Variants in MLLT10 observed in about 807,000 individuals in gnomAD.
MLLT10 encodes the protein MLLT10 histone lysine methyltransferase DOT1L cofactor.
MLLT10 carries 30 observed loss-of-function variants against 129.1 expected under a neutral mutation model. That is an observed-to-expected ratio of 0.23 (90% CI 0.17 to 0.32). MLLT10 has a LOEUF of 0.32. Among genes scored for constraint, MLLT10 ranks in the 10% least tolerant of loss-of-function variants. The probability of loss-of-function intolerance (pLI) is 1.00; values close to 1 mark genes in which losing one functional copy is unlikely to be tolerated. For missense variants in MLLT10, 1,119 were observed against 1,268.3 expected (o/e 0.88, Z 1.79); for synonymous variants, 490 against 446.4 (o/e 1.10, Z -1.23).
intron 8 of MLLT10, chr10:21,624,517 A>G (rs1281873308): frequency 3.1e-5 from 29 of 942,096 alleles, no homozygotes; most frequent in Non-Finnish European, 4.4e-5. Flanking sequence ...CAGTTAAACA[A>G]AATTTTTTTT....
chr10:21,539,793 A>G (rs1021836406), intron 3 of MLLT10, among the ~76,000 whole-genome samples: 8 of 151,774 alleles, frequency 5.3e-5, no homozygotes, highest in African/African-American at 1.9e-4. Flanking sequence ...ACAAATTACA[A>G]ACATTAGCTG....
Position 21,538,877 on chromosome 10 carries a change from A to C in MLLT10, c.205A>C (p.Arg69=). 3.7e-6 allele frequency: 6 copies of C among 1,613,654 alleles called. No homozygotes were observed. Among genetic ancestry groups the C allele is most frequent in the Non-Finnish European group, 5.1e-6 (6 of 1,179,642 alleles). ...AGTACCCACTGGACCGTGGTTTTGCAGGAAATGTGAATCTCAGGAGAGAGC... is the reference window on the plus strand; with the variant it reads ...AGTACCCACTGGACCGTGGTTTTGCCGGAAATGTGAATCTCAGGAGAGAGC... ...VQVPTGPWFC[R]KCESQERAAR... Residue 69 remains arginine, a synonymous_variant, in exon 3 of 23, where the codon AGG becomes CGG. Transcript: ENST00000307729.
intron 3 of MLLT10, among the ~76,000 whole-genome samples, chr10:21,553,457 C>A (rs2037405164): frequency 6.6e-6 from 1 of 151,468 alleles, no homozygotes; most frequent in South Asian, 2.1e-4. Flanking sequence ...TCCCGAGTAG[C>A]TGAGACTACA....
chr10:21,727,922 C>T lies in MLLT10; in HGVS notation c.2057C>T (p.Ser686Leu), dbSNP rs530253372. The change falls in exon 16 of 23, where the codon TCG becomes TTG. Residue 686 changes from serine (S) to leucine (L), a missense_variant. Ser to Leu is a moderately radical substitution (Grantham distance 145). Around this residue, in one of 5 missense-constraint regions of MLLT10, gnomAD observed 1,004 missense variants for 1,008.7 expected, o/e 1.00. Transcript: ENST00000307729. ...GRGSSPRGSLSPRSPVSSLQI... is the reference protein window; with the variant it reads ...GRGSSPRGSLLPRSPVSSLQI... ...GGAAGCTCACCCCGAGGAAGTCTCT[C>T]GCCACGGTAAGCGCTATTTACACTG... The T allele has an allele frequency of 1.4e-5, 22 of 1,613,718 alleles. No individual in the cohort carries two copies. The highest frequency in any genetic ancestry group is 8.0e-5 in the African/African-American group (6 of 74,892).
intron 3 of MLLT10, among the ~76,000 whole-genome samples, chr10:21,572,616 CT>C (rs909173242): frequency 4.3e-4 from 63 of 146,086 alleles, no homozygotes; most frequent in Admixed American, 1.8e-3. Flanking sequence ...TTTAAAATTA[CT>C]TTTTTTTTTT....
intron 9 of MLLT10, among the ~76,000 whole-genome samples, chr10:21,655,662 G>A (rs1033298328): frequency 1.6e-4 from 25 of 152,132 alleles, no homozygotes; most frequent in Admixed American, 3.9e-4. Flanking sequence ...CTAATGTCTG[G>A]TAACTTGAGA....
intron 14 of MLLT10, among the ~76,000 whole-genome samples, chr10:21,718,601 G>A (rs534736493): frequency 6.6e-6 from 1 of 152,194 alleles, no homozygotes; most frequent in South Asian, 2.1e-4. Context: ...ATGGCTTCTT[G>A]TCTATCCCAT....
intron 5 of MLLT10, among the ~76,000 whole-genome samples, chr10:21,606,890 G>T (rs1476340007): frequency 6.6e-6 from 1 of 152,160 alleles, no homozygotes; most frequent in East Asian, 1.9e-4. Flanking sequence ...TTTACTGTAG[G>T]TAAAATGCTG....
intron 21 of MLLT10, 134 bp downstream of exon 21, chr10:21,735,369 G>A: frequency 2.8e-6 from 2 of 711,074 alleles, no homozygotes; most frequent in South Asian, 3.7e-5. Context: ...CTTGCCATGT[G>A]GTACAGGCTG....
At position 21,640,818 on chromosome 10, in the gene MLLT10, G is replaced by A. The variant is rs370205732; in HGVS notation, c.700-10855G>A. On this transcript the variant is annotated intron_variant, in intron 8 of 22. Transcript: ENST00000307729. ...GACACATGAATAATTCTCAAATTAT[G>A]ATTGACTTTACACAATGTTTTTGAT... Among the ~76,000 whole-genome samples the A allele has an allele frequency of 2.6e-5, 4 of 152,320 alleles. No homozygotes were observed. In the East Asian group the frequency reaches 7.7e-4, roughly 29 times the overall value.
chr10:21,641,521 T>A (rs1398073114), intron 8 of MLLT10, among the ~76,000 whole-genome samples: 1 of 152,156 alleles, frequency 6.6e-6, no homozygotes, highest in East Asian at 1.9e-4. Flanking sequence ...GCTGAATGTG[T>A]GGTGCGTGCC....
chr10:21,713,988 G>A, intron 14 of MLLT10, 38 bp downstream of exon 14: 1 of 1,533,638 alleles, frequency 6.5e-7, no homozygotes, highest in Non-Finnish European at 8.8e-7. Flanking sequence ...GTAATAGGTG[G>A]GTTTCTCATT....
At chr10:21,575,675 T>C (rs1175464967) in intron 3 of MLLT10, among the ~76,000 whole-genome samples, 1 of 152,140 alleles carries the variant, frequency 6.6e-6, no homozygotes, top group South Asian at 2.1e-4. Context: ...TTGCTTAGAT[T>C]ATTATTATTA....
At chr10:21,538,394 C>T (rs992004222) in intron 2 of MLLT10, among the ~76,000 whole-genome samples, 1 of 152,068 alleles carries the variant, frequency 6.6e-6, no homozygotes, top group African/African-American at 2.4e-5. Context: ...AACTCCCAAC[C>T]TCAGGTGATC....
chr10:21,632,136 A>G (rs899070040), intron 8 of MLLT10, among the ~76,000 whole-genome samples: 7 of 152,166 alleles, frequency 4.6e-5, no homozygotes, highest in African/African-American at 1.7e-4. Context: ...GTGAAAGTAG[A>G]TGTGAATAGT....
intron 13 of MLLT10, among the ~76,000 whole-genome samples, chr10:21,710,682 AC>A (rs1373872441): frequency 1.3e-5 from 2 of 152,192 alleles, no homozygotes; most frequent in African/African-American, 4.8e-5. Context: ...AAAGACCATG[AC>A]CCTGAACCTC....
intron 3 of MLLT10, among the ~76,000 whole-genome samples, chr10:21,567,918 C>A (rs1254263084): frequency 6.6e-6 from 1 of 151,484 alleles, no homozygotes; most frequent in Non-Finnish European, 1.5e-5. Flanking sequence ...CTCCCGAGTT[C>A]AAGCAATTCT....
At chr10:21,717,945 C>G (rs1382356281) in intron 14 of MLLT10, among the ~76,000 whole-genome samples, 2 of 141,182 alleles carry the variant, frequency 1.4e-5, no homozygotes, top group African/African-American at 5.5e-5. Context: ...TTCTTTTCTT[C>G]TTTCTTCTTC....
chr10:21,719,814 A>G (rs573331161), intron 14 of MLLT10, among the ~76,000 whole-genome samples: 63 of 152,326 alleles, frequency 4.1e-4, no homozygotes, highest in African/African-American at 1.4e-3. Flanking sequence ...ATTGACTTCA[A>G]CTGTTACTCT....
Sources: gnomAD v4.1 joint callset for allele counts (sites outside exome capture counted in the v4.1 genomes callset) on GRCh38, gnomAD v4.1.1 for gene constraint, gnomAD v4.1.1 regional missense constraint, MANE v1.5 for transcripts, NCBI Gene and HGNC (gene_info 2026-07-23, HGNC 2026-07-21) for gene names.